Variants in TGM6 observed in about 807,000 individuals in gnomAD.
TGM6 encodes the protein protein-glutamine gamma-glutamyltransferase 6.
A neutral mutation model predicts 77.5 loss-of-function variants in TGM6; 74 were observed. That is an observed-to-expected ratio of 0.96 (90% CI 0.79 to 1.16). TGM6 has a LOEUF of 1.16. TGM6 is among the 50% of genes most tolerant of loss of function. TGM6 has a pLI of 0.00. For synonymous variants in TGM6, 383 were observed against 378.9 expected (o/e 1.01, Z -0.12); for missense variants, 968 against 940.2 (o/e 1.03, Z -0.39).
chr20:2,402,587 C>T (rs2084718933), intron 7 of TGM6, among the ~76,000 whole-genome samples: 1 of 152,178 alleles, frequency 6.6e-6, no homozygotes, highest in Non-Finnish European at 1.5e-5. Flanking sequence ...ATACTTTCCC[C>T]AACAAAAACA....
intron 1 of TGM6, among the ~76,000 whole-genome samples, chr20:2,393,683 C>T (rs1599946799): frequency 1.3e-5 from 2 of 152,150 alleles, no homozygotes; most frequent in Non-Finnish European, 1.5e-5. Context: ...CGCCACCACG[C>T]CTGGCTCATT....
At chr20:2,395,558 C>A in intron 3 of TGM6, 122 bp downstream of exon 3, 2 of 1,564,206 alleles carry the variant, frequency 1.3e-6, no homozygotes, top group Non-Finnish European at 1.7e-6. Flanking sequence ...AAGAGCTGGG[C>A]AAGAACTTAG....
intron 10 of TGM6, among the ~76,000 whole-genome samples, chr20:2,420,603 C>T (rs1358634266): frequency 6.6e-6 from 1 of 152,176 alleles, no homozygotes; most frequent in Non-Finnish European, 1.5e-5. Context: ...TTTCACCCCT[C>T]CAATATCCCC....
At chr20:2,419,850 TTATC>T (rs1487754118) in intron 10 of TGM6, among the ~76,000 whole-genome samples, 1 of 152,248 alleles carries the variant, frequency 6.6e-6, no homozygotes, top group Admixed American at 6.5e-5. Context: ...AAACTTTTGT[TTATC>T]TACAGAGTGT....
chr20:2,411,988 A>C (rs1231388832), intron 9 of TGM6, among the ~76,000 whole-genome samples: 1 of 152,228 alleles, frequency 6.6e-6, no homozygotes, highest in Non-Finnish European at 1.5e-5. Context: ...CCATGTTCAG[A>C]GCAGCATTAT....
chr20:2,386,995 C>T (rs1440670327), intron 1 of TGM6, among the ~76,000 whole-genome samples: 1 of 152,196 alleles, frequency 6.6e-6, no homozygotes, highest in Admixed American at 6.5e-5. Flanking sequence ...CTGTTCTGGC[C>T]TGTCCCTACA....
At chr20:2,382,448 CTTGACAGTG>C (rs2084562196) in intron 1 of TGM6, among the ~76,000 whole-genome samples, 1 of 152,192 alleles carries the variant, frequency 6.6e-6, no homozygotes, top group East Asian at 1.9e-4. Context: ...CAGACTTAAA[CTTGACAGTG>C]CGAAGGTTAG....
intron 4 of TGM6, 66 bp from the exon 5 acceptor site, chr20:2,397,852 C>A: frequency 6.2e-7 from 1 of 1,613,434 alleles, no homozygotes. Flanking sequence ...CGGGTGAGGG[C>A]TGTGGGAGGG....
At chr20:2,395,642 G>A (rs1366891952) in intron 3 of TGM6, among the ~76,000 whole-genome samples, 3 of 152,134 alleles carry the variant, frequency 2.0e-5, no homozygotes, top group Non-Finnish European at 2.9e-5. Context: ...AGGACCCAGT[G>A]GGCAAGAGAG....
chr20:2,413,586 A>G (rs779877986), intron 9 of TGM6, among the ~76,000 whole-genome samples: 2 of 152,226 alleles, frequency 1.3e-5, no homozygotes, highest in Non-Finnish European at 2.9e-5. Flanking sequence ...TGGAGAAAGA[A>G]TAAGAATAGT....
At chr20:2,418,811 T>C (rs1450279822) in intron 10 of TGM6, among the ~76,000 whole-genome samples, 1 of 151,900 alleles carries the variant, frequency 6.6e-6, no homozygotes, top group Non-Finnish European at 1.5e-5. Flanking sequence ...GCGCGGTGGC[T>C]CACGCCTGTA....
At chr20:2,396,363 G>T (rs1392609202) in intron 3 of TGM6, 143 bp from the exon 4 acceptor site, 1 of 784,992 alleles carries the variant, frequency 1.3e-6, no homozygotes, top group Admixed American at 1.9e-5. Flanking sequence ...AGGCAGCACG[G>T]GAGCTCGCAA....
chr20:2,402,113 A>G (rs2084714517), intron 7 of TGM6, among the ~76,000 whole-genome samples: 1 of 151,984 alleles, frequency 6.6e-6, no homozygotes, highest in Non-Finnish European at 1.5e-5. Context: ...GGGTGTGGTG[A>G]CACACACCTC....
rs3050731 is a variant in TGM6 at position 2,406,831 on chromosome 20, C to CAAAAAAAAAAAAAAAAAAAA, written c.1336+3024_1336+3043dup. Among the ~76,000 whole-genome samples the CAAAAAAAAAAAAAAAAAAAA allele has an allele frequency of 2.2e-4, 14 of 63,706 alleles. 1 individual carries two copies. The highest frequency in any genetic ancestry group is 3.6e-4 in the African/African-American group (8 of 22,388). The allele number at this position is 63,706 out of a possible 152,430, so 41.8% of individuals were successfully genotyped here. A position where few individuals can be genotyped will look rare whatever the true frequency, so the allele number is the denominator to read the frequency against. On this transcript the variant is annotated intron_variant, in intron 9 of 12. Transcript: ENST00000202625. ...CCTCAGCAACAAGTGCGAAACTCCTCAAAAAAAAAAAAAAAAAAAAAAAAA... is the reference window on the plus strand; with the variant it reads ...CCTCAGCAACAAGTGCGAAACTCCTCAAAAAAAAAAAAAAAAAAAAAAAAAAAAAAAAAAAAAAAAAAAAA...
chr20:2,432,685 C>T lies in TGM6; in HGVS notation c.*42C>T. 1 of 1,613,328 alleles carries T rather than the reference C, an allele frequency of 6.2e-7. No homozygotes were observed. The highest frequency in any genetic ancestry group is 8.5e-7 in the Non-Finnish European group (1 of 1,179,456). ...GAGAGGGGTGGATTTGGCCCCTGTC[C>T]TCCTCCTGCCCATTCTTTGTCTCTT... On this transcript the variant is annotated 3_prime_UTR_variant, in exon 13 of 13. Coordinates refer to ENST00000202625, the MANE Select transcript of TGM6 (RefSeq NM_198994.3).
At chr20:2,418,961 C>A (rs1016618303) in intron 10 of TGM6, among the ~76,000 whole-genome samples, 1 of 152,162 alleles carries the variant, frequency 6.6e-6, no homozygotes, top group Non-Finnish European at 1.5e-5. Flanking sequence ...CCTGTAGTCC[C>A]AGCTACTCAG....
rs112924357 is a variant in TGM6, at chr20:2,400,286, C to G, written c.851-20C>G. On this transcript the variant is annotated intron_variant, in intron 6 of 12. Transcript: ENST00000202625. ...TCAGGGGCCAGGGTCCCGCCTGCTC[C>G]GAGCCTCTCTGCTCTGCAGTCCTCA... is the stretch of plus-strand genomic sequence containing the variant. 6.2e-7 allele frequency: 1 copy of G among 1,613,958 alleles called. No homozygotes were observed. The highest frequency in any genetic ancestry group is 1.3e-5 in the African/African-American group (1 of 75,038).
intron 1 of TGM6, among the ~76,000 whole-genome samples, chr20:2,389,481 G>A (rs937348100): frequency 2.6e-5 from 4 of 152,026 alleles, no homozygotes; most frequent in Admixed American, 1.3e-4. Context: ...CTAAACTCTG[G>A]GTTAAACAGA....
intron 6 of TGM6, among the ~76,000 whole-genome samples, chr20:2,399,945 C>G (rs1348116336): frequency 6.6e-6 from 1 of 152,200 alleles, no homozygotes; most frequent in Admixed American, 6.5e-5. Flanking sequence ...CTAGCTCCCT[C>G]TGTCTCTCAT....
Sources: allele counts gnomAD v4.1 joint callset (sites outside exome capture counted in the v4.1 genomes callset), GRCh38; gene constraint gnomAD v4.1.1; transcripts MANE v1.5; gene names NCBI Gene and HGNC (gene_info 2026-07-23, HGNC 2026-07-21).